TACC2: variants seen among roughly 807,000 people sequenced by gnomAD.
TACC2 encodes transforming acidic coiled-coil containing protein 2, also known as transforming acidic coiled-coil-containing protein 2.
Under a neutral mutation model 227.3 loss-of-function variants are expected in TACC2, and 137 were observed. The ratio of observed to expected loss-of-function variants is 0.60; its 90% CI spans 0.52 to 0.69. The LOEUF is 0.69. TACC2 is among the 30% of genes least tolerant of loss of function. The pLI, the probability that TACC2 is intolerant of heterozygous loss-of-function variation, is 0.00. For missense variants in TACC2, 3,470 were observed against 3,694.4 expected (o/e 0.94, Z 1.57); for synonymous variants, 1,523 against 1,487.5 (o/e 1.02, Z -0.55).
intron 16 of TACC2, among the ~76,000 whole-genome samples, chr10:122,231,112 C>T (rs1417912832): frequency 6.6e-6 from 1 of 152,138 alleles, no homozygotes; most frequent in Non-Finnish European, 1.5e-5. Context: ...GTGGAGTTTC[C>T]CAATTCCTAG....
At chr10:122,168,050 CTTTTTTTTTT>C (rs57366476) in intron 7 of TACC2, among the ~76,000 whole-genome samples, 10 of 131,726 alleles carry the variant, frequency 7.6e-5, no homozygotes, top group East Asian at 2.2e-4. Flanking sequence ...CCATGCCCAG[CTTTTTTTTTT>C]TTTTTTTTTT....
Position 122,245,936 on chromosome 10 carries a change from T to A in TACC2, c.8393-2707T>A, listed in dbSNP as rs528800274. ...AGAGTGAGAGCTCGAACTCAGGCAG[T>A]TCAGAGGCTCCTAGCCACTGGCCTG... On this transcript the variant is annotated intron_variant, in intron 19 of 22. Coordinates refer to ENST00000369005, the MANE Select transcript of TACC2 (RefSeq NM_206862.4). 8.5e-5 allele frequency among the ~76,000 whole-genome samples: 13 copies of A among 152,228 alleles called. 2 individuals carry two copies. In the South Asian group the frequency reaches 2.3e-3, roughly 27 times the overall value.
intron 2 of TACC2, among the ~76,000 whole-genome samples, chr10:122,045,477 G>A (rs2459083): frequency 0.2 from 30,703 of 152,094 alleles, 4,060 homozygotes; most frequent in African/African-American, 0.37. Flanking sequence ...CTATAACATC[G>A]GGCTCTAAGG....
At chr10:122,094,427 C>T (rs188800087) in intron 5 of TACC2, among the ~76,000 whole-genome samples, 22 of 152,196 alleles carry the variant, frequency 1.4e-4, no homozygotes, top group Admixed American at 4.6e-4. Context: ...TGCAGGTGCG[C>T]GCCACTACAC....
At chr10:122,090,129 T>C (rs1236841740) in intron 5 of TACC2, among the ~76,000 whole-genome samples, 1 of 151,760 alleles carries the variant, frequency 6.6e-6, no homozygotes, top group East Asian at 1.9e-4. Flanking sequence ...GGGCCAGATG[T>C]ATAGTAGTAC....
At chr10:122,178,840 A>C (rs1040823524) in intron 7 of TACC2, among the ~76,000 whole-genome samples, 4 of 152,178 alleles carry the variant, frequency 2.6e-5, no homozygotes, top group Non-Finnish European at 5.9e-5. Flanking sequence ...TGATCAGGCC[A>C]CTGCACTCCA....
Position 122,050,659 on chromosome 10 carries a change from CAT to C in TACC2, c.146+110_146+111del. On this transcript the variant is annotated intron_variant, in intron 3 of 22. Transcript: ENST00000369005. This position sits in a 1 kb window ranked among gnomAD's most constrained non-coding sequence, Gnocchi z 4.6. ...GCTTTGGAAACTGGACCCTTAGACA[CAT>C]GGTATCGTCCTCAGTGGTGAGATGT... 1.3e-6 allele frequency: 1 copy of C among 791,042 alleles called. No individual in the cohort carries two copies. The highest frequency in any genetic ancestry group is 2.1e-6 in the Non-Finnish European group (1 of 476,626). The allele number at this position is 791,042 out of a possible 1,614,324, so 49.0% of individuals were successfully genotyped here.
rs77625629 is a variant in TACC2 at position 122,067,246 on chromosome 10, G to T, written c.147-15401G>T. Reference sequence around the variant, plus strand: ...AGGTCTGCTAGGGGTTATTCTTTTAGCTTTTGTATGTCTGGAAAAATCTTT... The same window carrying T: ...AGGTCTGCTAGGGGTTATTCTTTTATCTTTTGTATGTCTGGAAAAATCTTT... On this transcript the variant is annotated intron_variant, in intron 3 of 22. Coordinates refer to ENST00000369005, the MANE Select transcript of TACC2 (RefSeq NM_206862.4). Among the ~76,000 whole-genome samples the T allele has an allele frequency of 3.5e-3, 525 of 152,062 alleles. 2 individuals carry two copies. The highest frequency in any genetic ancestry group is 8.0e-3 in the African/African-American group (330 of 41,464).
At chr10:122,027,958 T>A (rs1226444233) in intron 2 of TACC2, among the ~76,000 whole-genome samples, 1 of 152,000 alleles carries the variant, frequency 6.6e-6, no homozygotes, top group African/African-American at 2.4e-5. Context: ...TTAGCCAGGT[T>A]GGTCTCGATC....
chr10:122,231,973 T>G (rs374618254), intron 16 of TACC2, among the ~76,000 whole-genome samples: 55 of 152,304 alleles, frequency 3.6e-4, no homozygotes, highest in African/African-American at 1.1e-3. Flanking sequence ...GCTCCAGCCC[T>G]GAGGGCCCCG....
chr10:122,000,008 G>A (rs1168392546), intron 1 of TACC2, among the ~76,000 whole-genome samples: 8 of 152,360 alleles, frequency 5.3e-5, no homozygotes, highest in Non-Finnish European at 1.0e-4. Context: ...GAAGGGCTGA[G>A]TGAAGACTTG....
intron 1 of TACC2, among the ~76,000 whole-genome samples, chr10:121,991,115 G>C (rs978711519): frequency 6.6e-6 from 1 of 152,106 alleles, no homozygotes; most frequent in Admixed American, 6.6e-5. Flanking sequence ...AAATGCCTTT[G>C]TTATCATTTT....
intron 5 of TACC2, among the ~76,000 whole-genome samples, chr10:122,107,880 A>ATTTTTTTTTTTTTTTT (rs1412735022): frequency 9.8e-6 from 1 of 102,294 alleles, no homozygotes; most frequent in Non-Finnish European, 1.8e-5. Flanking sequence ...ATATATATAT[A>ATTTTTTTTTTTTTTTT]TTTTTTTTTT....
intron 1 of TACC2, among the ~76,000 whole-genome samples, chr10:122,018,207 G>A (rs551050171): frequency 2.3e-3 from 352 of 152,214 alleles, no homozygotes; most frequent in African/African-American, 8.0e-3. Flanking sequence ...CCACTTATGA[G>A]TGAGAACATG....
chr10:122,140,318 T>C (rs902146301), intron 6 of TACC2, among the ~76,000 whole-genome samples: 6 of 152,194 alleles, frequency 3.9e-5, no homozygotes, highest in Non-Finnish European at 8.8e-5. Context: ...AGCGTGGTGG[T>C]TTATATGCTG....
chr10:122,252,224 A>G (rs1026598948), intron 22 of TACC2, among the ~76,000 whole-genome samples: 1 of 152,202 alleles, frequency 6.6e-6, no homozygotes, highest in Admixed American at 6.5e-5. Flanking sequence ...AGCTGGGGCA[A>G]CCTGAATTTG....
chr10:122,113,523 G>A (rs575762428), intron 5 of TACC2, among the ~76,000 whole-genome samples: 1 of 152,248 alleles, frequency 6.6e-6, no homozygotes, highest in East Asian at 1.9e-4. Flanking sequence ...CCAGTGGCTG[G>A]GATTCCCGCT....
chr10:121,999,590 T>C (rs1954018376), intron 1 of TACC2, among the ~76,000 whole-genome samples: 1 of 152,242 alleles, frequency 6.6e-6, no homozygotes, highest in African/African-American at 2.4e-5. Flanking sequence ...TTGGCATTTG[T>C]TGGCGTGCCT....
At chr10:122,093,957 G>T (rs921403888) in intron 5 of TACC2, among the ~76,000 whole-genome samples, 1 of 152,204 alleles carries the variant, frequency 6.6e-6, no homozygotes, top group Admixed American at 6.5e-5. Flanking sequence ...AACTGGATGA[G>T]CGTCTGTCTC....
Sources: allele counts gnomAD v4.1 joint callset (sites outside exome capture counted in the v4.1 genomes callset), GRCh38; gene constraint gnomAD v4.1.1; non-coding constraint Gnocchi (gnomAD v3.1); transcripts MANE v1.5; gene names NCBI Gene and HGNC (gene_info 2026-07-23, HGNC 2026-07-21).